Variants in UBE2D3 observed in about 807,000 individuals in gnomAD.
The protein encoded by UBE2D3 is ubiquitin conjugating enzyme E2 D3.
UBE2D3 carries 2 observed loss-of-function variants against 22.8 expected under a neutral mutation model. That is an observed-to-expected ratio of 0.09 (90% confidence interval 0.04 to 0.28). UBE2D3 has a LOEUF of 0.28. Ranked by LOEUF, UBE2D3 falls within the 10% of genes least tolerant of loss-of-function variation. The pLI, the probability that UBE2D3 is intolerant of heterozygous loss-of-function variation, is 1.00. For missense variants in UBE2D3, 27 were observed against 182.5 expected (o/e 0.15, Z 4.91); for synonymous variants, 56 against 60.4 (o/e 0.93, Z 0.34).
chr4:102,850,705 TTAAATA>T (rs1468440666), intron 1 of UBE2D3, among the ~76,000 whole-genome samples: 2 of 152,154 alleles, frequency 1.3e-5, no homozygotes, highest in Non-Finnish European at 2.9e-5. Context: ...TACACATATA[TTAAATA>T]TAAATATATA....
At chr4:102,799,597 T>G (rs1578217450) in intron 6 of UBE2D3, 97 bp from the exon 7 acceptor site, 1 of 815,826 alleles carries the variant, frequency 1.2e-6, no homozygotes, top group East Asian at 2.6e-5. Context: ...CTCAAAAGAC[T>G]TTTATTAGTT....
At chr4:102,826,786 TG>T (rs1318491095) in intron 1 of UBE2D3, 150 bp from the exon 2 acceptor site, 7 of 1,265,334 alleles carry the variant, frequency 5.5e-6, no homozygotes, top group African/African-American at 3.1e-5. Flanking sequence ...CGGCCCGAAG[TG>T]GGGGCGAGGG....
intron 1 of UBE2D3, among the ~76,000 whole-genome samples, chr4:102,848,338 C>T (rs999344339): frequency 6.6e-6 from 1 of 151,866 alleles, no homozygotes; most frequent in Non-Finnish European, 1.5e-5. Context: ...TAGTGAGACT[C>T]TGTCTCTACA....
intron 2 of UBE2D3, among the ~76,000 whole-genome samples, chr4:102,824,787 T>C (rs1560872050): frequency 6.6e-6 from 1 of 152,226 alleles, no homozygotes; most frequent in Non-Finnish European, 1.5e-5. Flanking sequence ...ACAGAAAAGA[T>C]TTTTATTTGT....
chr4:102,807,721 G>C (rs1487073167), intron 4 of UBE2D3, among the ~76,000 whole-genome samples: 2 of 152,090 alleles, frequency 1.3e-5, no homozygotes, highest in Non-Finnish European at 2.9e-5. Context: ...CAAAATAACA[G>C]CAAATTAAGT....
intron 2 of UBE2D3, chr4:102,811,523 A>G (rs1728021591): frequency 4.5e-6 from 1 of 222,970 alleles, no homozygotes; most frequent in African/African-American, 3.1e-5. Context: ...CTCTACTAAC[A>G]TCACAAAAAT....
intron 1 of UBE2D3, among the ~76,000 whole-genome samples, chr4:102,842,822 A>G (rs975788832): frequency 1.3e-5 from 2 of 152,166 alleles, no homozygotes; most frequent in African/African-American, 4.8e-5. Context: ...TAAGACTACC[A>G]GTTTTGGCCA....
upstream of UBE2D3, chr4:102,827,826 C>G: frequency 1.0e-6 from 1 of 986,336 alleles, no homozygotes; most frequent in Non-Finnish European, 1.2e-6. Context: ...TGGCGGAAAC[C>G]CTTAGGCTCA....
At chr4:102,837,733 C>G (rs373689382) in intron 1 of UBE2D3, among the ~76,000 whole-genome samples, 1 of 152,088 alleles carries the variant, frequency 6.6e-6, no homozygotes, top group East Asian at 1.9e-4. Flanking sequence ...GGGCGGATCA[C>G]GAGGTCAGGA....
intron 4 of UBE2D3, among the ~76,000 whole-genome samples, chr4:102,808,293 C>T (rs531529376): frequency 3.7e-4 from 56 of 152,256 alleles, no homozygotes; most frequent in Middle Eastern, 3.4e-3. Flanking sequence ...TCAAAAATAT[C>T]GTGTGGGCCA....
intron 1 of UBE2D3, among the ~76,000 whole-genome samples, chr4:102,852,916 A>AT (rs1732432374): frequency 6.6e-6 from 1 of 152,068 alleles, no homozygotes. Context: ...GTCATTTAAC[A>AT]TTTTTCCCAG....
At chr4:102,830,436 A>T (rs1014842610), upstream of UBE2D3, among the ~76,000 whole-genome samples, 1 of 152,238 alleles carries the variant, frequency 6.6e-6, no homozygotes, top group Admixed American at 6.5e-5. Flanking sequence ...AGGTACAAAA[A>T]TGTTGAAAAT....
intron 1 of UBE2D3, among the ~76,000 whole-genome samples, chr4:102,851,029 C>G (rs1409641857): frequency 6.6e-6 from 1 of 152,140 alleles, no homozygotes; most frequent in South Asian, 2.1e-4. Context: ...GAAATCATCA[C>G]TAAAGAACTT....
chr4:102,853,612 A>C (rs570575433), intron 1 of UBE2D3, among the ~76,000 whole-genome samples: 1 of 152,310 alleles, frequency 6.6e-6, no homozygotes, highest in South Asian at 2.1e-4. Context: ...ATGGAGAATA[A>C]TATAAATTTG....
chr4:102,797,149 CA>C lies in UBE2D3; in HGVS notation c.*265del. 2.9e-6 allele frequency: 1 copy of C among 339,516 alleles called. No individual in the cohort carries two copies. The highest frequency in any genetic ancestry group is 5.4e-6 in the Non-Finnish European group (1 of 184,834). 21.0% of individuals were successfully genotyped at this position (339,516 alleles called of 1,614,324 possible). ...CATTGGCCACATAATACACATGCTCCATTTTTTTTTTTAAAAATTCTGAGTC... is the reference window on the plus strand; with the variant it reads ...CATTGGCCACATAATACACATGCTCCTTTTTTTTTTTAAAAATTCTGAGTC... On this transcript the variant is annotated 3_prime_UTR_variant, in exon 8 of 8. Transcript: ENST00000453744.
chr4:102,812,868 C>T (rs771406196), intron 2 of UBE2D3: 3 of 152,198 alleles, frequency 2.0e-5, no homozygotes, highest in Admixed American at 1.3e-4. Flanking sequence ...TCCCAGAGGG[C>T]ATTTTGCCAT....
chr4:102,813,892 T>C (rs1329922349), intron 2 of UBE2D3, among the ~76,000 whole-genome samples: 3 of 152,236 alleles, frequency 2.0e-5, no homozygotes, highest in African/African-American at 4.8e-5. Flanking sequence ...TCTAGATTAA[T>C]GCCATAAAAC....
At chr4:102,818,629 T>C (rs1323718374) in intron 2 of UBE2D3, among the ~76,000 whole-genome samples, 2 of 152,082 alleles carry the variant, frequency 1.3e-5, no homozygotes, top group African/African-American at 2.4e-5. Context: ...TGGTAGAAAA[T>C]AGGGCAGGAT....
At chr4:102,807,810 CCTTTT>C (rs2110275500) in intron 4 of UBE2D3, among the ~76,000 whole-genome samples, 1 of 152,134 alleles carries the variant, frequency 6.6e-6, no homozygotes, top group East Asian at 1.9e-4. Context: ...ATTCATGTTT[CCTTTT>C]GATTGTCTAT....
Sources: allele counts gnomAD v4.1 joint callset (sites outside exome capture counted in the v4.1 genomes callset), GRCh38; gene constraint gnomAD v4.1.1; transcripts MANE v1.5; gene names NCBI Gene and HGNC (gene_info 2026-07-23, HGNC 2026-07-21).